SPOCK1: variants seen among roughly 807,000 people sequenced by gnomAD.
The protein encoded by SPOCK1 is testican-1.
In SPOCK1, 23 loss-of-function variants were observed where a neutral mutation model predicts 55.3. That is an observed-to-expected ratio of 0.42 (90% CI 0.30 to 0.59). The LOEUF is 0.59. SPOCK1 is among the 20% of genes least tolerant of loss of function. The pLI is 0.22. For missense variants in SPOCK1, 499 were observed against 552.5 expected, an observed-to-expected ratio of 0.90 and a Z score of 0.97; for synonymous variants, 226 against 221.0, an observed-to-expected ratio of 1.02 and a Z score of -0.20.
chr5:137,138,013 C>A (rs1242022902), intron 4 of SPOCK1, among the ~76,000 whole-genome samples: 1 of 151,994 alleles, frequency 6.6e-6, no homozygotes, highest in African/African-American at 2.4e-5. Context: ...TAAAATTTAT[C>A]ATCCATAAAC....
intron 3 of SPOCK1, among the ~76,000 whole-genome samples, chr5:137,195,979 AAAGAG>A (rs1755291218): frequency 6.6e-6 from 1 of 152,206 alleles, no homozygotes; most frequent in South Asian, 2.1e-4. Flanking sequence ...TGGAAGACTG[AAAGAG>A]AAGAGAATAA....
chr5:137,135,331 C>A (rs962675895), intron 4 of SPOCK1, among the ~76,000 whole-genome samples: 1 of 152,214 alleles, frequency 6.6e-6, no homozygotes, highest in Non-Finnish European at 1.5e-5. Context: ...TCTCCCACCC[C>A]ACAGAACAAT....
In SPOCK1 at chr5:136,978,149, C is replaced by G. The variant is rs1406220935; in HGVS notation, c.*505G>C. ...AAAAACTAATTTTTAATAATAATCA[C>G]CGGCAGTAACGGGGGCAGGGGGAAA... On this transcript the variant is annotated 3_prime_UTR_variant, in exon 11 of 11. Transcript: ENST00000394945. The G allele has an allele frequency of 5.2e-6, 2 of 385,964 alleles. No homozygotes were observed. The highest frequency in any genetic ancestry group is 2.1e-5 in the African/African-American group (1 of 48,344). 23.9% of individuals were successfully genotyped at this position (385,964 alleles called of 1,614,324 possible).
At chr5:137,235,617 G>A (rs1756165626) in intron 3 of SPOCK1, among the ~76,000 whole-genome samples, 2 of 152,262 alleles carry the variant, frequency 1.3e-5, no homozygotes, top group Admixed American at 1.3e-4. Flanking sequence ...TGTGTGAGCA[G>A]GTAGATGCAC....
intron 2 of SPOCK1, among the ~76,000 whole-genome samples, chr5:137,289,977 A>T (rs185514848): frequency 2.5e-4 from 38 of 152,298 alleles, no homozygotes; most frequent in Admixed American, 3.3e-4. Context: ...AGCAACTGGA[A>T]CTCCTGCACA....
At chr5:137,191,545 A>G (rs1205711200) in intron 3 of SPOCK1, among the ~76,000 whole-genome samples, 1 of 152,170 alleles carries the variant, frequency 6.6e-6, no homozygotes, top group Non-Finnish European at 1.5e-5. Flanking sequence ...GTACCTCAAA[A>G]CCTTCGCATG....
intron 2 of SPOCK1, among the ~76,000 whole-genome samples, chr5:137,410,154 C>T (rs1027352183): frequency 2.0e-5 from 3 of 152,238 alleles, no homozygotes; most frequent in Non-Finnish European, 4.4e-5. Context: ...CAAGCCTTCC[C>T]ATTTTATGCC....
At chr5:137,233,951 G>C (rs1160951647) in intron 3 of SPOCK1, among the ~76,000 whole-genome samples, 1 of 152,040 alleles carries the variant, frequency 6.6e-6, no homozygotes, top group Non-Finnish European at 1.5e-5. Context: ...AGAGTGGTGA[G>C]AGCAGACATT....
chr5:137,133,263 G>T (rs1242815321), intron 4 of SPOCK1, among the ~76,000 whole-genome samples: 1 of 151,788 alleles, frequency 6.6e-6, no homozygotes, highest in East Asian at 1.9e-4. Flanking sequence ...CCAGCTACTC[G>T]GGAGGCTGAG....
intron 2 of SPOCK1, among the ~76,000 whole-genome samples, chr5:137,352,418 C>T (rs939796967): frequency 2.0e-5 from 3 of 152,210 alleles, no homozygotes; most frequent in Non-Finnish European, 2.9e-5. Context: ...GTGGTTATAA[C>T]GCGGTGACTG....
At chr5:137,101,051 C>T (rs1398469882) in intron 5 of SPOCK1, among the ~76,000 whole-genome samples, 1 of 152,194 alleles carries the variant, frequency 6.6e-6, no homozygotes, top group East Asian at 1.9e-4. Context: ...AGATCAGCTT[C>T]ACTGAGCCCT....
intron 6 of SPOCK1, among the ~76,000 whole-genome samples, chr5:137,044,383 C>T (rs757591459): frequency 2.6e-5 from 4 of 152,050 alleles, no homozygotes; most frequent in Non-Finnish European, 4.4e-5. Context: ...GACACACACA[C>T]AAAAGAAATG....
chr5:137,015,764 C>T (rs1174944625), intron 6 of SPOCK1, among the ~76,000 whole-genome samples: 1 of 152,168 alleles, frequency 6.6e-6, no homozygotes, highest in Non-Finnish European at 1.5e-5. Context: ...CAGATTTGTT[C>T]TGAGACATGT....
intron 4 of SPOCK1, among the ~76,000 whole-genome samples, chr5:137,135,587 G>C (rs1489598761): frequency 6.6e-6 from 1 of 152,194 alleles, no homozygotes; most frequent in Non-Finnish European, 1.5e-5. Context: ...TGACTTAACT[G>C]TCTCCCAAAG....
At chr5:137,315,893 G>A (rs1230217688) in intron 2 of SPOCK1, among the ~76,000 whole-genome samples, 1 of 152,202 alleles carries the variant, frequency 6.6e-6, no homozygotes, top group Admixed American at 6.5e-5. Context: ...GGGGAGTTGG[G>A]GGCAGGGTGC....
intron 2 of SPOCK1, among the ~76,000 whole-genome samples, chr5:137,482,353 C>T (rs969032497): frequency 6.6e-6 from 1 of 152,204 alleles, no homozygotes; most frequent in Non-Finnish European, 1.5e-5. Flanking sequence ...AAGACGTGAT[C>T]AGACATCCTC....
chr5:137,220,288 C>G (rs1397113211), intron 3 of SPOCK1, among the ~76,000 whole-genome samples: 2 of 152,196 alleles, frequency 1.3e-5, no homozygotes, highest in Non-Finnish European at 2.9e-5. Flanking sequence ...AAACAACCTT[C>G]TCTCATTTTG....
chr5:137,055,542 T>G (rs1008444408), intron 6 of SPOCK1, among the ~76,000 whole-genome samples: 15 of 152,288 alleles, frequency 9.8e-5, no homozygotes, highest in African/African-American at 3.6e-4. Context: ...AGCCAACTAT[T>G]TCACAACACA....
chr5:137,264,704 A>T (rs1756811162), intron 3 of SPOCK1, among the ~76,000 whole-genome samples: 1 of 152,094 alleles, frequency 6.6e-6, no homozygotes, highest in Admixed American at 6.6e-5. Flanking sequence ...TAATTCTCCT[A>T]GTTTCTGGAA....
Sources: allele counts gnomAD v4.1 joint callset (sites outside exome capture counted in the v4.1 genomes callset), GRCh38; gene constraint gnomAD v4.1.1; transcripts MANE v1.5; gene names NCBI Gene and HGNC (gene_info 2026-07-23, HGNC 2026-07-21).